The following TRAPPC9 variants were observed in gnomAD, a reference collection of about 807,000 sequenced individuals.
The protein encoded by TRAPPC9 is trafficking protein particle complex subunit 9.
A neutral mutation model predicts 124.0 loss-of-function variants in TRAPPC9; 83 were observed. That is an observed-to-expected ratio of 0.67 (90% CI 0.56 to 0.80). The LOEUF is 0.80. TRAPPC9 is among the 30% of genes least tolerant of loss of function. The pLI is 0.00. For synonymous variants in TRAPPC9, 638 were observed against 617.5 expected (o/e 1.03, Z -0.49); for missense variants, 1,302 against 1,508.3 (o/e 0.86, Z 2.27).
chr8:140,361,974 G>C (rs572169373), intron 8 of TRAPPC9, among the ~76,000 whole-genome samples: 3 of 152,098 alleles, frequency 2.0e-5, no homozygotes, highest in Admixed American at 2.0e-4. Flanking sequence ...TGCTCCAAGG[G>C]TTCCACCGCT....
At chr8:140,458,163 G>A (rs1386909761), upstream of TRAPPC9, 2 of 1,439,284 alleles carry the variant, frequency 1.4e-6, no homozygotes, top group Non-Finnish European at 1.9e-6. Context: ...GGAGATGGAG[G>A]GAGATGGAGC....
rs1217529513 is a variant in TRAPPC9 at position 140,194,283 on chromosome 8, TC to T, written c.2556+27175del. On this transcript the variant is annotated intron_variant, in intron 17 of 22. Transcript: ENST00000438773. ...CCCCTTCACACCCCACCCACAGTCA[TC>T]CCCCTCCCTCAGTATGATCTCTCTT... is the stretch of plus-strand genomic sequence containing the variant. 3.4e-5 allele frequency among the ~76,000 whole-genome samples: 5 copies of T among 148,260 alleles called. No homozygotes were observed. In the South Asian group the frequency reaches 9.1e-4, roughly 27 times the overall value.
At chr8:139,852,582 C>T (rs1339766853) in intron 21 of TRAPPC9, among the ~76,000 whole-genome samples, 1 of 152,204 alleles carries the variant, frequency 6.6e-6, no homozygotes. Flanking sequence ...ATGATTTCTA[C>T]CTGGGCTCCC....
rs377746012 is a variant in TRAPPC9 at position 140,372,241 on chromosome 8, C to T, written c.1135-1061G>A. 5.3e-5 allele frequency among the ~76,000 whole-genome samples: 8 copies of T among 152,352 alleles called. No individual in the cohort carries two copies. The East Asian group carries it at 1.2e-3, about 22-fold the overall frequency. Reference sequence around the variant, plus strand: ...AAGGAAGGCAGAGCCCACTCTGCTGCTCCAGGAGCACTGTTAAGGAAGCGC... The same window carrying T: ...AAGGAAGGCAGAGCCCACTCTGCTGTTCCAGGAGCACTGTTAAGGAAGCGC... On this transcript the variant is annotated intron_variant, in intron 7 of 22. Coordinates refer to ENST00000438773, the MANE Select transcript of TRAPPC9 (RefSeq NM_001160372.4).
intron 17 of TRAPPC9, among the ~76,000 whole-genome samples, chr8:140,113,068 A>G (rs1297872785): frequency 9.9e-5 from 15 of 152,098 alleles, no homozygotes; most frequent in Non-Finnish European, 1.5e-5. Flanking sequence ...TTGCTTACTT[A>G]TATATGAGAG....
At chr8:139,859,314 G>A (rs1387885020) in intron 21 of TRAPPC9, among the ~76,000 whole-genome samples, 3 of 152,026 alleles carry the variant, frequency 2.0e-5, no homozygotes, top group Non-Finnish European at 4.4e-5. Context: ...ACCAAGCCCA[G>A]CCTGCGCTTC....
chr8:140,379,204 G>A (rs957448508), intron 7 of TRAPPC9, among the ~76,000 whole-genome samples: 6 of 152,102 alleles, frequency 3.9e-5, no homozygotes, highest in Admixed American at 2.6e-4. Context: ...GGGCAGCCTG[G>A]TGCTGGTGTC....
chr8:139,784,608 C>T (rs1280404201), intron 21 of TRAPPC9, among the ~76,000 whole-genome samples: 1,363 of 88,636 alleles, frequency 0.015, 75 homozygotes, highest in African/African-American at 0.052. Flanking sequence ...AAAAGACTGA[C>T]ATATATATAT....
At chr8:139,929,552 C>T (rs1250158924) in intron 19 of TRAPPC9, among the ~76,000 whole-genome samples, 3 of 152,120 alleles carry the variant, frequency 2.0e-5, no homozygotes, top group Admixed American at 6.5e-5. Flanking sequence ...TCCTGTGCTT[C>T]GGGCAGCCTC....
intron 9 of TRAPPC9, among the ~76,000 whole-genome samples, chr8:140,344,471 C>A (rs1282729145): frequency 6.6e-6 from 1 of 152,160 alleles, no homozygotes; most frequent in African/African-American, 2.4e-5. Context: ...GTGCTCCAAG[C>A]CACAGAGACT....
chr8:140,442,146 T>A (rs2071039138), intron 2 of TRAPPC9, among the ~76,000 whole-genome samples: 1 of 152,228 alleles, frequency 6.6e-6, no homozygotes, highest in African/African-American at 2.4e-5. Flanking sequence ...TCTAGTAGCA[T>A]CTTCTAAATA....
chr8:140,170,616 G>A (rs1034669005), intron 17 of TRAPPC9, among the ~76,000 whole-genome samples: 2 of 152,208 alleles, frequency 1.3e-5, no homozygotes, highest in Admixed American at 6.5e-5. Flanking sequence ...GAGACTCAAG[G>A]AGGCATGAAG....
intron 5 of TRAPPC9, among the ~76,000 whole-genome samples, chr8:140,425,698 T>C (rs1284305767): frequency 6.6e-6 from 1 of 151,936 alleles, no homozygotes; most frequent in African/African-American, 2.4e-5. Context: ...TACCAGTACA[T>C]TCAACATCCA....
In TRAPPC9 at chr8:140,121,248, T is replaced by A. The variant is rs145661999; in HGVS notation, c.2557-97169A>T. ...GGAGATTTTTAGGGAGAGAACACAG[T>A]GGGTGCAAAGGCCTGAGACAGAACA... On this transcript the variant is annotated intron_variant, in intron 17 of 22. Coordinates refer to ENST00000438773, the MANE Select transcript of TRAPPC9 (RefSeq NM_001160372.4). 1.2e-3 allele frequency among the ~76,000 whole-genome samples: 177 copies of A among 152,228 alleles called. 1 individual carries two copies. The highest frequency in any genetic ancestry group is 6.8e-3 in the Middle Eastern group (2 of 294).
chr8:139,945,982 T>C (rs993245403), intron 19 of TRAPPC9, among the ~76,000 whole-genome samples: 2 of 152,262 alleles, frequency 1.3e-5, no homozygotes, highest in African/African-American at 4.8e-5. Context: ...GATTTAACTT[T>C]GCTGTATGTT....
Position 140,245,410 on chromosome 8 carries a change from C to T in TRAPPC9, c.2431+7367G>A, listed in dbSNP as rs562936747. Among the ~76,000 whole-genome samples the T allele has an allele frequency of 3.5e-4, 53 of 152,028 alleles. 1 individual carries two copies. In the South Asian group the frequency reaches 8.9e-3, roughly 26 times the overall value. Reference sequence around the variant, plus strand: ...GTTTAGCTGTGCCTGTTTTTAAATGCGTCATTTAACTCTCTCTTAAACTAC... The same window carrying T: ...GTTTAGCTGTGCCTGTTTTTAAATGTGTCATTTAACTCTCTCTTAAACTAC... On this transcript the variant is annotated intron_variant, in intron 16 of 22. Coordinates refer to ENST00000438773, the MANE Select transcript of TRAPPC9 (RefSeq NM_001160372.4).
intron 6 of TRAPPC9, 144 bp downstream of exon 6, chr8:140,405,433 A>C: frequency 1.2e-6 from 1 of 834,772 alleles, no homozygotes; most frequent in Non-Finnish European, 1.9e-6. Flanking sequence ...TTTTAGGCAT[A>C]TAGTACTATG....
chr8:139,857,560 C>T (rs113252660), intron 21 of TRAPPC9, among the ~76,000 whole-genome samples: 2 of 152,186 alleles, frequency 1.3e-5, no homozygotes, highest in African/African-American at 2.4e-5. Flanking sequence ...TGCCACTGGC[C>T]GAGGAAGGCA....
At chr8:140,342,162 G>T (rs1357799535) in intron 9 of TRAPPC9, among the ~76,000 whole-genome samples, 1 of 152,140 alleles carries the variant, frequency 6.6e-6, no homozygotes, top group African/African-American at 2.4e-5. Flanking sequence ...CGGAAAGCAG[G>T]ACTGCACTGC....
Sources: allele counts gnomAD v4.1 joint callset (sites outside exome capture counted in the v4.1 genomes callset), GRCh38; gene constraint gnomAD v4.1.1; transcripts MANE v1.5; gene names NCBI Gene and HGNC (gene_info 2026-07-23, HGNC 2026-07-21).